SPATS1: variants seen among roughly 807,000 people sequenced by gnomAD.
SPATS1 encodes the protein spermatogenesis-associated serine-rich protein 1.
SPATS1 carries 23 observed loss-of-function variants against 33.6 expected under a neutral mutation model. The ratio of observed to expected loss-of-function variants is 0.68; its 90% CI spans 0.49 to 0.97. SPATS1 has a LOEUF of 0.97. Ranked by LOEUF, SPATS1 falls within the 50% of genes least tolerant of loss-of-function variation. SPATS1 has a pLI of 0.00. For synonymous variants in SPATS1, 131 were observed against 125.6 expected, an observed-to-expected ratio of 1.04 and a Z score of -0.29; for missense variants, 327 against 361.0, an observed-to-expected ratio of 0.91 and a Z score of 0.76.
chr6:44,342,961 C>A (rs972737738), intron 1 of SPATS1, 135 bp from the exon 2 acceptor site: 3 of 1,275,026 alleles, frequency 2.4e-6, no homozygotes, highest in Non-Finnish European at 2.1e-6. Flanking sequence ...AGTAAGGCTC[C>A]CGTTTAGAGG....
At chr6:44,375,857 G>A (rs1455226517) in intron 7 of SPATS1, among the ~76,000 whole-genome samples, 1 of 152,006 alleles carries the variant, frequency 6.6e-6, no homozygotes, top group African/African-American at 2.4e-5. Context: ...TGTAATCCCA[G>A]CACTTTGGGA....
chr6:44,343,004 T>G (rs1787656581), intron 1 of SPATS1, 92 bp from the exon 2 acceptor site: 2 of 1,511,772 alleles, frequency 1.3e-6, no homozygotes, highest in Non-Finnish European at 1.8e-6. Context: ...CGGTGGCTTG[T>G]GGAATTTGTT....
In SPATS1 at chr6:44,378,098, T is replaced by C. The variant is rs1030499289; in HGVS notation, c.*1035T>C. ...TAATACTATTGCCCTGTAGCTGCAT[T>C]CCCCAGTTTAGTATTGCCTATCTAC... On this transcript the variant is annotated 3_prime_UTR_variant, in exon 9 of 9. Coordinates refer to ENST00000674044, the MANE Select transcript of SPATS1 (RefSeq NM_001372081.1). The C allele has an allele frequency of 6.6e-6, 1 of 152,168 alleles. No individual in the cohort carries two copies. Among genetic ancestry groups the C allele is most frequent in the Non-Finnish European group, 1.5e-5 (1 of 68,046 alleles). The allele number at this position is 152,168 out of a possible 1,614,324, so 9.4% of individuals were successfully genotyped here.
chr6:44,368,605 G>A, intron 6 of SPATS1, 106 bp downstream of exon 6: 1 of 1,090,696 alleles, frequency 9.2e-7, no homozygotes, highest in Non-Finnish European at 1.2e-6. Flanking sequence ...AACAAGATGT[G>A]ATTGGATGAA....
At chr6:44,356,178 T>C (rs1788577393) in intron 3 of SPATS1, among the ~76,000 whole-genome samples, 1 of 152,174 alleles carries the variant, frequency 6.6e-6, no homozygotes, top group African/African-American at 2.4e-5. Flanking sequence ...CTTGTCTCAG[T>C]TGATAATCTC....
In SPATS1 at chr6:44,367,053, G is replaced by T. The variant is rs952151947; in HGVS notation, c.575-1326G>T. ...TCTTACTTGTCAGTGCCCTGGTTTG[G>T]TATGCAAAAGGTTTCAGATGCACTG... On this transcript the variant is annotated intron_variant, in intron 5 of 8. Transcript: ENST00000674044. 4.6e-5 allele frequency among the ~76,000 whole-genome samples: 7 copies of T among 152,252 alleles called. No homozygotes were observed. In the East Asian group the frequency reaches 1.2e-3, roughly 25 times the overall value.
intron 7 of SPATS1, among the ~76,000 whole-genome samples, chr6:44,376,117 A>AT (rs1789933405): frequency 6.6e-6 from 1 of 152,028 alleles, no homozygotes; most frequent in Admixed American, 6.5e-5. Flanking sequence ...AAAAAAAAAA[A>AT]TGTGGAAGCA....
intron 6 of SPATS1, among the ~76,000 whole-genome samples, chr6:44,369,696 A>G (rs989399376): frequency 6.6e-6 from 1 of 151,720 alleles, no homozygotes; most frequent in African/African-American, 2.4e-5. Flanking sequence ...ACATGGAGAA[A>G]CCCCTTCTCT....
intron 6 of SPATS1, 130 bp downstream of exon 6, chr6:44,368,629 G>A: frequency 1.2e-6 from 1 of 861,454 alleles, no homozygotes; most frequent in Non-Finnish European, 1.7e-6. Context: ...TCCTTGAAAA[G>A]CTCATCTTTA....
chr6:44,377,205 A>G lies in SPATS1; in HGVS notation c.*142A>G. ...GTGCTTTGCTTTTTTAAAACTTTAT[A>G]TTTTGAAAACTTTCACATTTACATA... On this transcript the variant is annotated 3_prime_UTR_variant, in exon 9 of 9. Transcript: ENST00000674044. 3.9e-6 allele frequency: 4 copies of G among 1,026,352 alleles called. No homozygotes were observed. The highest frequency in any genetic ancestry group is 2.5e-5 in the East Asian group (1 of 40,142). The allele number at this position is 1,026,352 out of a possible 1,614,324, so 63.6% of individuals were successfully genotyped here.
rs934532936 is a variant in SPATS1, at chr6:44,344,674, T to C, written c.139+1440T>C. On this transcript the variant is annotated intron_variant, in intron 2 of 8. Coordinates refer to ENST00000674044, the MANE Select transcript of SPATS1 (RefSeq NM_001372081.1). ...AGATGACAAACATATGAAAGTGCTT[T>C]GGTTATGTAAGGTGTTATTCCTGCC... is the stretch of plus-strand genomic sequence containing the variant. Among the ~76,000 whole-genome samples the C allele has an allele frequency of 4.2e-5, 6 of 143,142 alleles. No individual in the cohort carries two copies. The Admixed American group carries it at 4.3e-4, about 10-fold the overall frequency. 93.9% of individuals were successfully genotyped at this position (143,142 alleles called of 152,430 possible). A position where few individuals can be genotyped will look rare whatever the true frequency, so the allele number is the denominator to read the frequency against.
chr6:44,354,346 T>C (rs1788434906), intron 3 of SPATS1, among the ~76,000 whole-genome samples: 1 of 60,708 alleles, frequency 1.6e-5, no homozygotes, highest in African/African-American at 5.7e-5. Context: ...AATAAATAAA[T>C]AAATAAATAA....
At chr6:44,367,010 C>T (rs1456641616) in intron 5 of SPATS1, among the ~76,000 whole-genome samples, 1 of 152,174 alleles carries the variant, frequency 6.6e-6, no homozygotes, top group Non-Finnish European at 1.5e-5. Context: ...CTCTTCCCAC[C>T]ACCTCTTGTC....
At chr6:44,370,161 C>T (rs764831897) in intron 7 of SPATS1, 48 bp downstream of exon 7, 34 of 1,511,556 alleles carry the variant, frequency 2.2e-5, no homozygotes, top group South Asian at 1.9e-4. Flanking sequence ...TATTAAATAT[C>T]GATTATTTTA....
chr6:44,351,323 A>G (rs1473563), intron 2 of SPATS1, among the ~76,000 whole-genome samples: 150,964 of 152,208 alleles, frequency 0.99, 74,880 homozygotes, highest in East Asian at 1. Flanking sequence ...TTTCATATAA[A>G]CGATTTGAGC....
rs923398888 is a variant in SPATS1, at chr6:44,360,360, G to A, written c.288-86G>A. The A allele has an allele frequency of 2.0e-5, 31 of 1,556,824 alleles. No individual in the cohort carries two copies. In the South Asian group the frequency reaches 2.1e-4, roughly 11 times the overall value. ...AGGAGTAGTCCCAGTTCTCATAAGC[G>A]AGGGCAATTCTAGGGTAAACTATGT... On this transcript the variant is annotated intron_variant, in intron 3 of 8. Coordinates refer to ENST00000674044, the MANE Select transcript of SPATS1 (RefSeq NM_001372081.1).
In SPATS1 at chr6:44,379,066, T is replaced by C. The variant is rs1790090199; in HGVS notation, c.*2003T>C. On this transcript the variant is annotated 3_prime_UTR_variant, in exon 9 of 9. Coordinates refer to ENST00000674044, the MANE Select transcript of SPATS1 (RefSeq NM_001372081.1). ...AAGATAATAATTTTTTGTGCCTCTA[T>C]TACTTAAATGTAAAAAAGTCTTCTT... 6.6e-6 allele frequency: 1 copy of C among 152,174 alleles called. No individual in the cohort carries two copies. Among genetic ancestry groups the C allele is most frequent in the South Asian group, 2.1e-4 (1 of 4,826 alleles). 9.4% of individuals were successfully genotyped at this position (152,174 alleles called of 1,614,324 possible). A position where few individuals can be genotyped will look rare whatever the true frequency, so the allele number is the denominator to read the frequency against.
In SPATS1 at chr6:44,379,206, C is replaced by A. The variant is rs926185756; in HGVS notation, c.*2143C>A. ...CAAAAAAAGATTCTGCAGAGATTTC[C>A]TGGTGAGATTATCTAGGTGGCACAG... On this transcript the variant is annotated 3_prime_UTR_variant, in exon 9 of 9. Transcript: ENST00000674044. Among the ~76,000 whole-genome samples, 2 of 152,032 alleles carry A rather than the reference C, an allele frequency of 1.3e-5. No individual in the cohort carries two copies. The highest frequency in any genetic ancestry group is 4.8e-5 in the African/African-American group (2 of 41,392).
At chr6:44,364,034 C>T (rs77732037) in intron 5 of SPATS1, among the ~76,000 whole-genome samples, 2,010 of 152,100 alleles carry the variant, frequency 0.013, 43 homozygotes, top group African/African-American at 0.046. Context: ...AAATGAAACC[C>T]GATGTACTCA....
Sources: gnomAD v4.1 joint callset for allele counts (sites outside exome capture counted in the v4.1 genomes callset) on GRCh38, gnomAD v4.1.1 for gene constraint, MANE v1.5 for transcripts, NCBI Gene and HGNC (gene_info 2026-07-23, HGNC 2026-07-21) for gene names.